Variants in CBR4 observed in about 807,000 individuals in gnomAD.
The protein encoded by CBR4 is carbonyl reductase 4, also known as 3-oxoacyl-[acyl-carrier-protein] reductase.
In CBR4, 22 loss-of-function variants were observed where a neutral mutation model predicts 21.0. The observed-to-expected ratio is 1.05, with a 90% CI of 0.75 to 1.50. The LOEUF (loss-of-function observed/expected upper bound fraction) is 1.50, where lower values mean the gene tolerates loss of function less well. CBR4 is among the 40% of genes most tolerant of loss of function. CBR4 has a pLI of 0.00. For synonymous variants in CBR4, 100 were observed against 104.4 expected (o/e 0.96, Z 0.26); for missense variants, 302 against 286.3 (o/e 1.05, Z -0.40).
At chr4:168,924,311 G>A in intron 2 of CBR4, 1 of 1,614,002 alleles carries the variant, frequency 6.2e-7, no homozygotes, top group Non-Finnish European at 8.5e-7. Flanking sequence ...CACAGGAGTT[G>A]CTGATGGGTA....
At chr4:168,932,483 A>G (rs1389874227) in intron 2 of CBR4, among the ~76,000 whole-genome samples, 1 of 152,182 alleles carries the variant, frequency 6.6e-6, no homozygotes, top group African/African-American at 2.4e-5. Context: ...GATGGAGAAG[A>G]GAAGGAAAAA....
At chr4:169,009,657 G>A (rs933083315) in intron 1 of CBR4, among the ~76,000 whole-genome samples, 1 of 152,260 alleles carries the variant, frequency 6.6e-6, no homozygotes, top group Non-Finnish European at 1.5e-5. Flanking sequence ...ACTAGCCGCA[G>A]GGCGGAGGGT....
intron 2 of CBR4, among the ~76,000 whole-genome samples, chr4:168,942,739 A>G (rs1763297561): frequency 6.6e-6 from 1 of 152,238 alleles, no homozygotes; most frequent in Admixed American, 6.5e-5. Context: ...ACAGGGGATT[A>G]ATATCCAGAA....
intron 2 of CBR4, among the ~76,000 whole-genome samples, chr4:168,925,604 A>G (rs1442661732): frequency 2.0e-5 from 3 of 152,200 alleles, no homozygotes; most frequent in Non-Finnish European, 4.4e-5. Flanking sequence ...ATTTGTGTAC[A>G]TGCATCCCAA....
chr4:168,922,411 A>C (rs1031522554), intron 2 of CBR4, among the ~76,000 whole-genome samples: 1 of 152,212 alleles, frequency 6.6e-6, no homozygotes, highest in Non-Finnish European at 1.5e-5. Context: ...AAAGTGCTTC[A>C]TGTACATTAT....
downstream of CBR4, among the ~76,000 whole-genome samples, chr4:168,983,383 AACAG>A (rs550267276): frequency 3.0e-3 from 452 of 152,264 alleles, no homozygotes; most frequent in Non-Finnish European, 4.5e-3. Context: ...TGACACCCCG[AACAG>A]ACAAATAACA....
At chr4:168,945,180 C>G (rs2126688015) in intron 2 of CBR4, among the ~76,000 whole-genome samples, 1 of 152,234 alleles carries the variant, frequency 6.6e-6, no homozygotes, top group African/African-American at 2.4e-5. Flanking sequence ...GAATCAGAAC[C>G]TCTTGAGAGT....
intron 2 of CBR4, among the ~76,000 whole-genome samples, chr4:168,979,689 C>A (rs561348866): frequency 6.6e-6 from 1 of 152,224 alleles, no homozygotes; most frequent in East Asian, 1.9e-4. Flanking sequence ...TGAGCCCCCA[C>A]CGCCTACTCT....
intron 2 of CBR4, chr4:168,927,833 G>A (rs1762747671): frequency 4.7e-6 from 1 of 213,802 alleles, no homozygotes; most frequent in Non-Finnish European, 9.5e-6. Context: ...ATTTGACCTA[G>A]TAGTATAAAA....
chr4:168,974,820 T>A (rs1043344584), intron 2 of CBR4, among the ~76,000 whole-genome samples: 4 of 152,214 alleles, frequency 2.6e-5, no homozygotes, highest in African/African-American at 4.8e-5. Flanking sequence ...TATTTTTTTT[T>A]AATTTCTTTA....
At chr4:168,957,493 G>C (rs529582592) in intron 2 of CBR4, among the ~76,000 whole-genome samples, 47 of 152,178 alleles carry the variant, frequency 3.1e-4, no homozygotes, top group African/African-American at 1.1e-3. Flanking sequence ...CTTAACTGAG[G>C]TGTAACTCAT....
At position 169,008,806 on chromosome 4, in the gene CBR4, C is replaced by A. The variant is rs1329687701; in HGVS notation, c.143-1050G>T. 3 of 364,560 alleles carry A rather than the reference C, an allele frequency of 8.2e-6. No homozygotes were observed. In the Admixed American group the frequency reaches 1.1e-4, roughly 14 times the overall value. The allele number at this position is 364,560 out of a possible 1,614,324, so 22.6% of individuals were successfully genotyped here. ...TTGTTAGAATGGTAAGGAATATGAG[C>A]TTCAAGAAGCATTCACTGACACTCT... On this transcript the variant is annotated intron_variant, in intron 1 of 4. Transcript: ENST00000306193.
intron 2 of CBR4, among the ~76,000 whole-genome samples, chr4:168,919,167 T>C (rs1760885543): frequency 6.6e-6 from 1 of 152,166 alleles, no homozygotes. Flanking sequence ...ATTAAAAGAA[T>C]ATTGGAAACA....
chr4:168,988,999 T>C lies in CBR4; in HGVS notation c.*1151A>G, dbSNP rs1229228256. ...TAAAAAGAGTTTAATGCAAAATAAT[T>C]ATTACCTGGTATTTCACATTCGGTT... On this transcript the variant is annotated 3_prime_UTR_variant, in exon 5 of 5. Transcript: ENST00000306193. The C allele has an allele frequency of 1.0e-6, 1 of 982,426 alleles. No homozygotes were observed. The highest frequency in any genetic ancestry group is 1.2e-6 in the Non-Finnish European group (1 of 827,266). The allele number at this position is 982,426 out of a possible 1,614,324, so 60.9% of individuals were successfully genotyped here.
chr4:169,010,086 C>T lies in CBR4; in HGVS notation c.4G>A (p.Asp2Asn). M[D>N]KVCAVFGGSR... Reference sequence around the variant, plus strand: ...CCTCCAAAAACAGCACACACTTTGTCCATCTCGGAGTCACAAACTCGGAGG... The same window carrying T: ...CCTCCAAAAACAGCACACACTTTGTTCATCTCGGAGTCACAAACTCGGAGG... The change falls in exon 1 of 5, where the codon GAC (aspartate) becomes AAC (asparagine). Residue 2 changes from aspartate to asparagine, a missense_variant. By Grantham distance (23) the Asp-to-Asn change is conservative (BLOSUM62 1). Coordinates refer to ENST00000306193, the MANE Select transcript of CBR4 (RefSeq NM_032783.5). 1.2e-6 allele frequency: 2 copies of T among 1,610,670 alleles called. No individual in the cohort carries two copies. Among genetic ancestry groups the T allele is most frequent in the Non-Finnish European group, 1.7e-6 (2 of 1,178,580 alleles).
chr4:168,957,209 G>C (rs1314590379), intron 2 of CBR4, among the ~76,000 whole-genome samples: 1 of 152,082 alleles, frequency 6.6e-6, no homozygotes, highest in East Asian at 1.9e-4. Context: ...AAAGCTTTCA[G>C]AGGAGGAAAC....
In CBR4 at chr4:168,987,641, A is replaced by G; in HGVS notation, c.*2509T>C. 5 of 960,744 alleles carry G rather than the reference A, an allele frequency of 5.2e-6. No homozygotes were observed. The highest frequency in any genetic ancestry group is 6.2e-6 in the Non-Finnish European group (5 of 807,442). The allele number at this position is 960,744 out of a possible 1,614,324, so 59.5% of individuals were successfully genotyped here. On this transcript the variant is annotated 3_prime_UTR_variant, in exon 5 of 5. Coordinates refer to ENST00000306193, the MANE Select transcript of CBR4 (RefSeq NM_032783.5). ...AGAACAGTTTGTTTACCAAGTTAGG[A>G]CAGTGGTTATGATTTCTCAATTTAC...
At chr4:168,974,730 GTGTC>G (rs1168904561) in intron 2 of CBR4, among the ~76,000 whole-genome samples, 1 of 152,038 alleles carries the variant, frequency 6.6e-6, no homozygotes, top group Non-Finnish European at 1.5e-5. Flanking sequence ...ATTTCACTAA[GTGTC>G]TGTTTCATTT....
chr4:168,931,716 C>T (rs532847959), intron 2 of CBR4, among the ~76,000 whole-genome samples: 1 of 152,292 alleles, frequency 6.6e-6, no homozygotes, highest in Admixed American at 6.5e-5. Context: ...TGACACCGTT[C>T]ACACACATGC....
Sources: allele counts gnomAD v4.1 joint callset (sites outside exome capture counted in the v4.1 genomes callset), GRCh38; gene constraint gnomAD v4.1.1; transcripts MANE v1.5; gene names NCBI Gene and HGNC (gene_info 2026-07-23, HGNC 2026-07-21).